CAMTA1: variants seen among roughly 807,000 people sequenced by gnomAD.
CAMTA1 encodes calmodulin-binding transcription activator 1.
Under a neutral mutation model 170.9 loss-of-function variants are expected in CAMTA1, and 27 were observed. The observed-to-expected ratio is 0.16, with a 90% CI of 0.12 to 0.22. The LOEUF (loss-of-function observed/expected upper bound fraction) is 0.22, where lower values mean the gene tolerates loss of function less well. Among genes scored for constraint, CAMTA1 ranks in the 10% least tolerant of loss-of-function variants. CAMTA1 has a pLI of 1.00. For synonymous variants in CAMTA1, 833 were observed against 891.5 expected, an observed-to-expected ratio of 0.93 and a Z score of 1.17; for missense variants, 1,619 against 2,217.2, an observed-to-expected ratio of 0.73 and a Z score of 5.42.
intron 6 of CAMTA1, among the ~76,000 whole-genome samples, chr1:7,593,030 A>T (rs966195948): frequency 4.8e-4 from 73 of 152,190 alleles, no homozygotes; most frequent in Non-Finnish European, 7.4e-5. Context: ...AGGTGCCTAC[A>T]TCCCAAAAGC....
intron 11 of CAMTA1, among the ~76,000 whole-genome samples, chr1:7,689,160 G>C (rs527290000): frequency 6.6e-6 from 1 of 150,780 alleles, no homozygotes; most frequent in African/African-American, 2.4e-5. Context: ...CCAGCTACTC[G>C]GGAGGCTGAG....
intron 3 of CAMTA1, among the ~76,000 whole-genome samples, chr1:7,039,216 G>A (rs1020600366): frequency 2.6e-5 from 4 of 152,134 alleles, no homozygotes; most frequent in Non-Finnish European, 5.9e-5. Context: ...CTGTTGGAGT[G>A]TGGCGTCATG....
rs972193014 is a variant in CAMTA1, at chr1:7,177,632, A to T, written c.303-71859A>T. On this transcript the variant is annotated intron_variant, in intron 4 of 22. Coordinates refer to ENST00000303635, the MANE Select transcript of CAMTA1 (RefSeq NM_015215.4). ...ACACTGAGACTCCTCCCACACACTGAAGCCCCTCCCACACATTGAGGCCTC... is the reference window on the plus strand; with the variant it reads ...ACACTGAGACTCCTCCCACACACTGTAGCCCCTCCCACACATTGAGGCCTC... Among the ~76,000 whole-genome samples, 152 of 148,792 alleles carry T rather than the reference A, an allele frequency of 1.0e-3. 2 individuals are homozygous for T. Among genetic ancestry groups the T allele is most frequent in the Non-Finnish European group, 3.3e-4 (22 of 66,230 alleles).
intron 4 of CAMTA1, 110 bp downstream of exon 4, chr1:7,091,481 T>G: frequency 2.4e-6 from 2 of 822,800 alleles, no homozygotes; most frequent in East Asian, 2.5e-5. Context: ...GAAAATGCCA[T>G]GTTGTGCTGG....
rs1241896938 is a variant in CAMTA1, at chr1:7,561,185, C to A, written c.511-79215C>A. Reference sequence around the variant, plus strand: ...TGGGTGGTGAATGAAGGGCTCCCAGCAAACCACAGCCGATCCAGGCAGGAA... The same window carrying A: ...TGGGTGGTGAATGAAGGGCTCCCAGAAAACCACAGCCGATCCAGGCAGGAA... On this transcript the variant is annotated intron_variant, in intron 6 of 22. Transcript: ENST00000303635. The surrounding 1 kb of genome is among the most constrained non-coding windows in gnomAD (Gnocchi z 5.3). Among the ~76,000 whole-genome samples, 3 of 152,046 alleles carry A rather than the reference C, an allele frequency of 2.0e-5. No homozygotes were observed. The highest frequency in any genetic ancestry group is 2.9e-5 in the Non-Finnish European group (2 of 67,994).
At chr1:7,340,552 G>GCCTCCGTC (rs2083734068) in intron 5 of CAMTA1, among the ~76,000 whole-genome samples, 2 of 110,588 alleles carry the variant, frequency 1.8e-5, no homozygotes, top group Non-Finnish European at 3.6e-5. Flanking sequence ...CTGCCTGCCT[G>GCCTCCGTC]CCTCCCTCCC....
intron 5 of CAMTA1, among the ~76,000 whole-genome samples, chr1:7,306,907 T>C (rs1675678987): frequency 6.6e-6 from 1 of 151,932 alleles, no homozygotes; most frequent in Admixed American, 6.5e-5. Context: ...TTATATAGCA[T>C]CTACATTAGG....
intron 3 of CAMTA1, among the ~76,000 whole-genome samples, chr1:6,978,790 G>A (rs1020320695): frequency 5.3e-5 from 8 of 152,044 alleles, no homozygotes; most frequent in African/African-American, 1.9e-4. Context: ...GGTGAGTCTA[G>A]GAAGCATCTA....
At chr1:6,940,948 AGGGGGGATCCTTGCAAGGT>A (rs1344018434) in intron 3 of CAMTA1, among the ~76,000 whole-genome samples, 14 of 2,718 alleles carry the variant, frequency 5.2e-3, no homozygotes, top group East Asian at 0.017. Context: ...CCTCAGGGGG[AGGGGGGATCCTTGCAAGGT>A]GGGGGGATCC....
chr1:6,901,867 GA>G (rs1677015030), intron 3 of CAMTA1, among the ~76,000 whole-genome samples: 1 of 152,006 alleles, frequency 6.6e-6, no homozygotes, highest in Non-Finnish European at 1.5e-5. Flanking sequence ...CCAACATGGT[GA>G]AACCCCGTCT....
At chr1:7,599,999 G>T (rs2095427919) in intron 6 of CAMTA1, among the ~76,000 whole-genome samples, 1 of 152,220 alleles carries the variant, frequency 6.6e-6, no homozygotes, top group South Asian at 2.1e-4. Flanking sequence ...TGGTGAGAGA[G>T]TGCATCCCTG....
At chr1:7,711,955 A>T (rs962026367) in intron 11 of CAMTA1, among the ~76,000 whole-genome samples, 1 of 152,184 alleles carries the variant, frequency 6.6e-6, no homozygotes, top group Non-Finnish European at 1.5e-5. Flanking sequence ...CCCACTATAG[A>T]TACTCTGCAT....
intron 4 of CAMTA1, among the ~76,000 whole-genome samples, chr1:7,168,772 A>C (rs1649021386): frequency 6.6e-6 from 1 of 152,274 alleles, no homozygotes; most frequent in African/African-American, 2.4e-5. Flanking sequence ...TCTAGGACAG[A>C]GAACAAGAAT....
At chr1:6,906,965 T>A (rs543598709) in intron 3 of CAMTA1, among the ~76,000 whole-genome samples, 17 of 152,316 alleles carry the variant, frequency 1.1e-4, no homozygotes, top group Non-Finnish European at 2.4e-4. Flanking sequence ...CTGTTGTCTC[T>A]CCCATCCCCC....
chr1:7,108,284 G>A (rs538448086), intron 4 of CAMTA1, among the ~76,000 whole-genome samples: 9 of 152,216 alleles, frequency 5.9e-5, no homozygotes, highest in East Asian at 3.9e-4. Flanking sequence ...CTCAGTTTTC[G>A]CATCTGTATA....
intron 1 of CAMTA1, among the ~76,000 whole-genome samples, chr1:6,806,076 A>G (rs982906023): frequency 6.6e-6 from 1 of 152,124 alleles, no homozygotes; most frequent in South Asian, 2.1e-4. Context: ...ATTTTTTTGC[A>G]TGTGGATATT....
At chr1:7,590,018 G>A (rs1056527561) in intron 6 of CAMTA1, among the ~76,000 whole-genome samples, 1 of 152,166 alleles carries the variant, frequency 6.6e-6, no homozygotes, top group African/African-American at 2.4e-5. Flanking sequence ...TGGTACGATC[G>A]CATGGAGCTT....
chr1:7,371,571 T>C (rs1259068164), intron 5 of CAMTA1, among the ~76,000 whole-genome samples: 2 of 152,204 alleles, frequency 1.3e-5, no homozygotes, highest in African/African-American at 4.8e-5. Context: ...CACTCCATGT[T>C]TTCTATCGCC....
chr1:7,022,616 C>T (rs372023269), intron 3 of CAMTA1, among the ~76,000 whole-genome samples: 3 of 152,168 alleles, frequency 2.0e-5, no homozygotes, highest in Non-Finnish European at 2.9e-5. Context: ...ACTTCTGTTG[C>T]CAGCGCCTCA....
Sources: gnomAD v4.1 joint callset for allele counts (sites outside exome capture counted in the v4.1 genomes callset) on GRCh38, gnomAD v4.1.1 for gene constraint, Gnocchi (gnomAD v3.1) non-coding constraint, MANE v1.5 for transcripts, NCBI Gene and HGNC (gene_info 2026-07-23, HGNC 2026-07-21) for gene names.